The following RAB3C variants were observed in gnomAD, a reference collection of about 807,000 sequenced individuals.
The protein encoded by RAB3C is RAB3C, member RAS oncogene family, also known as ras-related protein Rab-3C.
Under a neutral mutation model 26.4 loss-of-function variants are expected in RAB3C, and 17 were observed. The observed-to-expected ratio is 0.64, with a 90% CI of 0.44 to 0.97. The LOEUF is 0.97. Among genes scored for constraint, RAB3C ranks in the 50% least tolerant of loss-of-function variants. The pLI, the probability that RAB3C is intolerant of heterozygous loss-of-function variation, is 0.00. For missense variants in RAB3C, 242 were observed against 281.9 expected (o/e 0.86, Z 1.01); for synonymous variants, 91 against 95.9 (o/e 0.95, Z 0.30).
chr5:58,849,402 AG>A (rs1744067963), intron 4 of RAB3C, among the ~76,000 whole-genome samples: 2 of 152,202 alleles, frequency 1.3e-5, no homozygotes, highest in South Asian at 4.1e-4. Flanking sequence ...CTTAGCAACA[AG>A]GATCTTGCTT....
chr5:58,746,111 C>T (rs1294925523), intron 3 of RAB3C, among the ~76,000 whole-genome samples: 10 of 152,198 alleles, frequency 6.6e-5, no homozygotes, highest in Admixed American at 6.5e-4. Context: ...TAGATGGGAA[C>T]ATTTGCTCTT....
At chr5:58,766,574 T>A (rs116043742) in intron 3 of RAB3C, among the ~76,000 whole-genome samples, 2,341 of 152,302 alleles carry the variant, frequency 0.015, 44 homozygotes, top group African/African-American at 0.054. Context: ...CCCTTTCAAG[T>A]CAGCAAATGG....
chr5:58,648,004 A>T (rs1349997065), intron 2 of RAB3C, among the ~76,000 whole-genome samples: 2 of 152,242 alleles, frequency 1.3e-5, no homozygotes, highest in Non-Finnish European at 2.9e-5. Context: ...TCATTTTTAG[A>T]TTATAAAAAC....
chr5:58,611,516 A>G (rs1320509442), intron 1 of RAB3C, among the ~76,000 whole-genome samples: 1 of 152,060 alleles, frequency 6.6e-6, no homozygotes, highest in Non-Finnish European at 1.5e-5. Context: ...TTTGTTGGCC[A>G]CATGTATGTC....
chr5:58,617,562 T>C lies in RAB3C; in HGVS notation c.25-81T>C, dbSNP rs748215169. On this transcript the variant is annotated intron_variant, in intron 1 of 4. Coordinates refer to ENST00000282878, the MANE Select transcript of RAB3C (RefSeq NM_138453.4). ...CATCTGTTTCTGGCAAGGCCAATAATGAGTATGCTGCTAGCTTCATATCAA... is the reference window on the plus strand; with the variant it reads ...CATCTGTTTCTGGCAAGGCCAATAACGAGTATGCTGCTAGCTTCATATCAA... 18 of 1,125,130 alleles carry C rather than the reference T, an allele frequency of 1.6e-5. No individual in the cohort carries two copies. In the Admixed American group the frequency reaches 2.9e-4, roughly 18 times the overall value. The allele number at this position is 1,125,130 out of a possible 1,614,324, so 69.7% of individuals were successfully genotyped here.
At chr5:58,817,572 A>C (rs929981784) in intron 3 of RAB3C, among the ~76,000 whole-genome samples, 18 of 152,102 alleles carry the variant, frequency 1.2e-4, no homozygotes, top group Admixed American at 5.2e-4. Flanking sequence ...AATCACCTGG[A>C]AGTACTTTGT....
At chr5:58,805,088 G>A (rs1742905928) in intron 3 of RAB3C, among the ~76,000 whole-genome samples, 1 of 151,960 alleles carries the variant, frequency 6.6e-6, no homozygotes, top group Admixed American at 6.6e-5. Context: ...TCACCAAAGT[G>A]TACTCATTCA....
chr5:58,701,590 T>C (rs1296154583), intron 2 of RAB3C, among the ~76,000 whole-genome samples: 1 of 152,200 alleles, frequency 6.6e-6, no homozygotes, highest in Non-Finnish European at 1.5e-5. Flanking sequence ...ATCTTACAGT[T>C]CTGGAAGTCA....
At chr5:58,696,740 T>C (rs1748708966) in intron 2 of RAB3C, among the ~76,000 whole-genome samples, 1 of 152,222 alleles carries the variant, frequency 6.6e-6, no homozygotes, top group South Asian at 2.1e-4. Flanking sequence ...TGATGGTAGT[T>C]TGTATTTCTA....
chr5:58,601,893 C>T (rs2111687203), intron 1 of RAB3C, among the ~76,000 whole-genome samples: 1 of 151,826 alleles, frequency 6.6e-6, no homozygotes. Flanking sequence ...CCTTATGCTG[C>T]TTTTGTGTTT....
chr5:58,790,525 AATGCCAGGTTCC>A (rs796803559), intron 3 of RAB3C, among the ~76,000 whole-genome samples: 52 of 152,304 alleles, frequency 3.4e-4, no homozygotes, highest in African/African-American at 1.3e-3. Flanking sequence ...ACCCGCAAGG[AATGCCAGGTTCC>A]ACAGGGAAAC....
chr5:58,795,584 G>A (rs1329250617), intron 3 of RAB3C, among the ~76,000 whole-genome samples: 1 of 151,758 alleles, frequency 6.6e-6, no homozygotes, highest in Admixed American at 6.6e-5. Flanking sequence ...CTGGGTGAAG[G>A]GCCAAGAGTT....
At chr5:58,741,301 G>A (rs1293146552) in intron 3 of RAB3C, among the ~76,000 whole-genome samples, 1 of 152,168 alleles carries the variant, frequency 6.6e-6, no homozygotes, top group South Asian at 2.1e-4. Flanking sequence ...ACATAGGCAT[G>A]ACTGATCGAA....
chr5:58,684,183 A>G (rs1290585921), intron 2 of RAB3C, among the ~76,000 whole-genome samples: 2 of 152,178 alleles, frequency 1.3e-5, no homozygotes, highest in Non-Finnish European at 2.9e-5. Context: ...TAGCATTTAC[A>G]TTGTATTAGG....
At chr5:58,756,258 G>A (rs28505882) in intron 3 of RAB3C, among the ~76,000 whole-genome samples, 9 of 115,496 alleles carry the variant, frequency 7.8e-5, no homozygotes, top group African/African-American at 2.2e-4. Flanking sequence ...GGCCCTTTAC[G>A]CCAAACATCA....
intron 3 of RAB3C, among the ~76,000 whole-genome samples, chr5:58,805,030 A>G (rs972367426): frequency 2.0e-5 from 3 of 151,748 alleles, no homozygotes; most frequent in Non-Finnish European, 4.4e-5. Context: ...TTAAGCTTTA[A>G]TTTATTCAGA....
chr5:58,750,665 A>G (rs1358186296), intron 3 of RAB3C, among the ~76,000 whole-genome samples: 2 of 152,226 alleles, frequency 1.3e-5, no homozygotes, highest in Admixed American at 6.5e-5. Flanking sequence ...GATTCTTTCT[A>G]TATATGTAGA....
intron 3 of RAB3C, among the ~76,000 whole-genome samples, chr5:58,748,447 A>T (rs1389825607): frequency 6.6e-6 from 1 of 152,146 alleles, no homozygotes; most frequent in Non-Finnish European, 1.5e-5. Context: ...TAATTATCTC[A>T]AAAAGTCTGA....
At chr5:58,743,725 C>A (rs911453691) in intron 3 of RAB3C, among the ~76,000 whole-genome samples, 51 of 152,002 alleles carry the variant, frequency 3.4e-4, no homozygotes, top group Non-Finnish European at 8.8e-5. Context: ...CATCCATGTC[C>A]CTGCAAAGGA....
Sources: allele counts gnomAD v4.1 joint callset (sites outside exome capture counted in the v4.1 genomes callset), GRCh38; gene constraint gnomAD v4.1.1; transcripts MANE v1.5; gene names NCBI Gene and HGNC (gene_info 2026-07-23, HGNC 2026-07-21).